RBFOX3: variants seen among roughly 807,000 people sequenced by gnomAD.
RBFOX3 encodes RNA binding protein fox-1 homolog 3.
A neutral mutation model predicts 48.7 loss-of-function variants in RBFOX3; 17 were observed. The observed-to-expected ratio is 0.35, with a 90% CI of 0.24 to 0.52. The LOEUF is 0.52. Ranked by LOEUF, RBFOX3 falls within the 20% of genes least tolerant of loss-of-function variation. The pLI, the probability that RBFOX3 is intolerant of heterozygous loss-of-function variation, is 0.94. For synonymous variants in RBFOX3, 212 were observed against 209.5 expected (o/e 1.01, Z -0.10); for missense variants, 382 against 497.5 (o/e 0.77, Z 2.21).
At chr17:79,653,883 C>CAAA in the RBFOX3 span, among the ~76,000 whole-genome samples, 575 of 66,518 alleles carry the variant, frequency 8.6e-3, 7 homozygotes, top group African/African-American at 0.026. Context: ...TCTCTACCAC[C>CAAA]AAAAAAAAAA....
At chr17:79,625,912 AC>A in the RBFOX3 span, among the ~76,000 whole-genome samples, 12 of 152,304 alleles carry the variant, frequency 7.9e-5, no homozygotes, top group East Asian at 2.3e-3. Context: ...AGCGCCCCTT[AC>A]CACCAGCAGA....
chr17:79,465,190 C>T (rs2076152549), intron 2 of RBFOX3, among the ~76,000 whole-genome samples: 1 of 152,228 alleles, frequency 6.6e-6, no homozygotes, highest in Non-Finnish European at 1.5e-5. Context: ...CCGAGGCGGC[C>T]TCCCCTCACC....
In RBFOX3 at chr17:79,423,834, G is replaced by A. The variant is rs1462934258; in HGVS notation, c.-175+58620C>T. 1 of 153,768 alleles carries A rather than the reference G, an allele frequency of 6.5e-6. No individual in the cohort carries two copies. Among genetic ancestry groups the A allele is most frequent in the African/African-American group, 2.4e-5 (1 of 41,416 alleles). 9.5% of individuals were successfully genotyped at this position (153,768 alleles called of 1,614,324 possible). Reference sequence around the variant, plus strand: ...TTGGTGACCCCATCCCGGATGCCCAGTCCAGGCGCACACTCAGTCATGTGC... The same window carrying A: ...TTGGTGACCCCATCCCGGATGCCCAATCCAGGCGCACACTCAGTCATGTGC... On this transcript the variant is annotated intron_variant, in intron 2 of 14. Transcript: ENST00000693108. This position sits in a 1 kb window ranked among gnomAD's most constrained non-coding sequence, Gnocchi z 4.9.
At chr17:79,285,032 G>C (rs1473582557) in intron 3 of RBFOX3, among the ~76,000 whole-genome samples, 1 of 152,186 alleles carries the variant, frequency 6.6e-6, no homozygotes, top group Admixed American at 6.5e-5. Context: ...GTGACACCTG[G>C]CAAATGATTC....
intron 2 of RBFOX3, among the ~76,000 whole-genome samples, chr17:79,312,965 C>T (rs2077054352): frequency 6.6e-6 from 1 of 152,108 alleles, no homozygotes; most frequent in South Asian, 2.1e-4. Flanking sequence ...TTAACCCTTC[C>T]AGTGACCCTA....
intron 4 of RBFOX3, among the ~76,000 whole-genome samples, chr17:79,145,045 G>A (rs759571940): frequency 2.6e-5 from 4 of 152,166 alleles, no homozygotes; most frequent in South Asian, 4.1e-4. Context: ...GCACTGAATC[G>A]CAGCAAGGTG....
At chr17:79,608,242 G>A (rs914483507) in intron 1 of RBFOX3, among the ~76,000 whole-genome samples, 6 of 152,344 alleles carry the variant, frequency 3.9e-5, no homozygotes, top group Non-Finnish European at 5.9e-5. Flanking sequence ...CTGCGGAAGG[G>A]CAGTGAATAC....
chr17:79,239,276 C>T (rs2062025561), intron 3 of RBFOX3, among the ~76,000 whole-genome samples: 1 of 152,160 alleles, frequency 6.6e-6, no homozygotes, highest in Non-Finnish European at 1.5e-5. Flanking sequence ...ATTCCATGGG[C>T]CTTTTGGATG....
intron 2 of RBFOX3, among the ~76,000 whole-genome samples, chr17:79,345,660 G>A (rs986150594): frequency 6.6e-6 from 1 of 151,862 alleles, no homozygotes. Context: ...TCTCTTTTGG[G>A]ATGTTTTATA....
At position 79,090,516 on chromosome 17, in the gene RBFOX3, T is replaced by TG; in HGVS notation, c.*366dup. On this transcript the variant is annotated 3_prime_UTR_variant, in exon 15 of 15. Transcript: ENST00000693108. ...GCTCCACACTGTCTGTCTTGGGAGT[T>TG]GGGGGCTGGGAAAGGAAGACTGGAT... is the stretch of plus-strand genomic sequence containing the variant. 1 of 269,924 alleles carries TG rather than the reference T, an allele frequency of 3.7e-6. No homozygotes were observed. The highest frequency in any genetic ancestry group is 7.5e-5 in the East Asian group (1 of 13,400). The allele number at this position is 269,924 out of a possible 1,614,324, so 16.7% of individuals were successfully genotyped here.
chr17:79,264,192 C>T (rs184985843), intron 3 of RBFOX3, among the ~76,000 whole-genome samples: 13 of 151,730 alleles, frequency 8.6e-5, no homozygotes, highest in South Asian at 4.2e-4. Context: ...TCTCATCCCT[C>T]GGCCTCCCAA....
At chr17:79,096,904 T>C (rs1457818198) in intron 11 of RBFOX3, 71 bp from the exon 12 acceptor site, 6 of 612,114 alleles carry the variant, frequency 9.8e-6, no homozygotes, top group African/African-American at 3.7e-5. Context: ...CCGGGGCCCA[T>C]AGCCCACCCG....
chr17:79,096,218 G>A (rs2075221819), intron 12 of RBFOX3, among the ~76,000 whole-genome samples: 2 of 152,138 alleles, frequency 1.3e-5, no homozygotes, highest in African/African-American at 2.4e-5. Flanking sequence ...GGGGAGAAAG[G>A]CCACCGGACC....
intron 2 of RBFOX3, among the ~76,000 whole-genome samples, chr17:79,348,146 C>G (rs531752713): frequency 6.1e-4 from 93 of 152,320 alleles, no homozygotes; most frequent in African/African-American, 2.1e-3. Context: ...GTGCAGTCTC[C>G]TGGTCGTCTG....
chr17:79,590,720 C>T (rs1178899553), intron 1 of RBFOX3, among the ~76,000 whole-genome samples: 1 of 152,166 alleles, frequency 6.6e-6, no homozygotes, highest in Non-Finnish European at 1.5e-5. Context: ...TCTTCCCCTG[C>T]CTTCTCCCTG....
chr17:79,646,726 T>C, the RBFOX3 span, among the ~76,000 whole-genome samples: 1 of 152,150 alleles, frequency 6.6e-6, no homozygotes, highest in Non-Finnish European at 1.5e-5. Flanking sequence ...AGACCAAACC[T>C]GACCTGCCCA....
At chr17:79,537,162 C>T (rs183741993) in intron 1 of RBFOX3, among the ~76,000 whole-genome samples, 2 of 151,986 alleles carry the variant, frequency 1.3e-5, no homozygotes, top group South Asian at 2.1e-4. Flanking sequence ...TATCCTCTTA[C>T]AGTTCAGAGT....
At chr17:79,661,697 TC>T in the RBFOX3 span, among the ~76,000 whole-genome samples, 3 of 152,218 alleles carry the variant, frequency 2.0e-5, no homozygotes, top group African/African-American at 7.2e-5. Context: ...AAGTGATTGT[TC>T]CCATTTACAT....
chr17:79,310,000 G>C (rs181098702), intron 2 of RBFOX3, among the ~76,000 whole-genome samples: 2 of 152,146 alleles, frequency 1.3e-5, no homozygotes, highest in African/African-American at 4.8e-5. Flanking sequence ...TGTGCACAAC[G>C]CCCTAAAACG....
Sources: allele counts gnomAD v4.1 joint callset (sites outside exome capture counted in the v4.1 genomes callset), GRCh38; gene constraint gnomAD v4.1.1; non-coding constraint Gnocchi (gnomAD v3.1); transcripts MANE v1.5; gene names NCBI Gene and HGNC (gene_info 2026-07-23, HGNC 2026-07-21).